Variants in TMEM40 observed in about 807,000 individuals in gnomAD.
TMEM40 encodes the protein transmembrane protein 40.
Under a neutral mutation model 40.8 loss-of-function variants are expected in TMEM40, and 34 were observed. That is an observed-to-expected ratio of 0.83 (90% CI 0.63 to 1.11). The LOEUF (loss-of-function observed/expected upper bound fraction) is 1.11, where lower values mean the gene tolerates loss of function less well. Among genes scored for constraint, TMEM40 ranks in the 50% least tolerant of loss-of-function variants. TMEM40 has a pLI of 0.00. For synonymous variants in TMEM40, 106 were observed against 107.0 expected (o/e 0.99, Z 0.06); for missense variants, 296 against 280.2 (o/e 1.06, Z -0.40).
At chr3:12,742,177 C>T (rs1008651593) in intron 5 of TMEM40, among the ~76,000 whole-genome samples, 4 of 152,146 alleles carry the variant, frequency 2.6e-5, no homozygotes, top group African/African-American at 7.2e-5. Flanking sequence ...TTGCAGTGAG[C>T]CAAGATCACA....
chr3:12,745,147 C>A (rs1158709635), intron 3 of TMEM40, among the ~76,000 whole-genome samples: 3 of 152,042 alleles, frequency 2.0e-5, no homozygotes, highest in South Asian at 2.1e-4. Flanking sequence ...GCAACCTCCA[C>A]CTCCCAGGCA....
intron 4 of TMEM40, 132 bp from the exon 5 acceptor site, chr3:12,742,639 A>C: frequency 2.0e-6 from 2 of 1,018,682 alleles, no homozygotes; most frequent in Non-Finnish European, 1.5e-6. Flanking sequence ...GGCAGTCTTC[A>C]GGAGGCAAGG....
At chr3:12,763,586 C>CG (rs1345399645), upstream of TMEM40, among the ~76,000 whole-genome samples, 1 of 152,174 alleles carries the variant, frequency 6.6e-6, no homozygotes, top group Admixed American at 6.5e-5. Flanking sequence ...GAACTGCAAG[C>CG]GGGGGCCTGC....
chr3:12,757,543 C>A (rs1299030827), intron 1 of TMEM40, among the ~76,000 whole-genome samples: 2 of 151,660 alleles, frequency 1.3e-5, no homozygotes, highest in Admixed American at 1.3e-4. Flanking sequence ...CCATGGGATA[C>A]CCCTTCACAC....
At chr3:12,761,999 T>C, upstream of TMEM40, among the ~76,000 whole-genome samples, 1 of 152,230 alleles carries the variant, frequency 6.6e-6, no homozygotes, top group East Asian at 1.9e-4. Context: ...AGGATCTTGT[T>C]CTCTTGCCCA....
intron 1 of TMEM40, among the ~76,000 whole-genome samples, chr3:12,756,852 A>G (rs1210259452): frequency 6.6e-6 from 1 of 151,498 alleles, no homozygotes; most frequent in East Asian, 1.9e-4. Flanking sequence ...CACCACACAT[A>G]TACACACTCT....
intron 1 of TMEM40, among the ~76,000 whole-genome samples, chr3:12,766,184 T>C (rs2061593254): frequency 6.6e-6 from 1 of 151,872 alleles, no homozygotes; most frequent in Non-Finnish European, 1.5e-5. Flanking sequence ...TATTGCAGAG[T>C]AGCGTGGATG....
Position 12,734,400 on chromosome 3 carries a change from T to A in TMEM40, c.*374A>T. 1 of 218,988 alleles carries A rather than the reference T, an allele frequency of 4.6e-6. No individual in the cohort carries two copies. The highest frequency in any genetic ancestry group is 1.4e-4 in the South Asian group (1 of 7,332). 13.6% of individuals were successfully genotyped at this position (218,988 alleles called of 1,614,324 possible). On this transcript the variant is annotated 3_prime_UTR_variant, in exon 12 of 12. Coordinates refer to ENST00000314124, the MANE Select transcript of TMEM40 (RefSeq NM_018306.4). The stretch of plus-strand genomic sequence containing the variant: ...GGTAGCACCTGAGAGCGCATGCAGA[T>A]AGCCTGGGATTTGAGAAAAACCATG...
intron 6 of TMEM40, 78 bp downstream of exon 6, chr3:12,738,475 T>C (rs2061354925): frequency 6.6e-7 from 1 of 1,507,712 alleles, no homozygotes; most frequent in Non-Finnish European, 9.2e-7. Flanking sequence ...AGGTGCTGGC[T>C]CTCTTGGGGG....
intron 1 of TMEM40, among the ~76,000 whole-genome samples, chr3:12,756,619 G>A (rs919540278): frequency 1.3e-5 from 2 of 152,098 alleles, no homozygotes; most frequent in African/African-American, 2.4e-5. Flanking sequence ...TCCCTGGCTC[G>A]CATCGTCCTA....
chr3:12,752,433 T>G (rs1023881324), intron 1 of TMEM40, among the ~76,000 whole-genome samples: 2 of 152,158 alleles, frequency 1.3e-5, no homozygotes, highest in Non-Finnish European at 2.9e-5. Context: ...ACTAATCTAT[T>G]CCTATGAAGG....
At chr3:12,754,119 T>C (rs1250457656) in intron 1 of TMEM40, among the ~76,000 whole-genome samples, 1 of 152,216 alleles carries the variant, frequency 6.6e-6, no homozygotes, top group Non-Finnish European at 1.5e-5. Context: ...GAGACCATCC[T>C]GGCTAACACG....
chr3:12,737,612 C>T, intron 8 of TMEM40, 95 bp downstream of exon 8: 2 of 1,137,908 alleles, frequency 1.8e-6, no homozygotes, highest in East Asian at 2.3e-5. Context: ...CAGAGGTGGG[C>T]TATGATTACT....
chr3:12,748,805 C>T lies in TMEM40; in HGVS notation c.74-13G>A, dbSNP rs1031318013. The T allele has an allele frequency of 1.2e-6, 2 of 1,613,290 alleles. No individual in the cohort carries two copies. Among genetic ancestry groups the T allele is most frequent in the South Asian group, 1.1e-5 (1 of 91,002 alleles). On this transcript the variant is annotated splice_polypyrimidine_tract_variant and intron_variant, in intron 2 of 11. Transcript: ENST00000314124. ...TCTGTCTCTCCATCTACAAGGCACA[C>T]AGAGGCCAGGGGATGAGCGTTTCCC...
At chr3:12,747,065 T>G (rs1348983821) in intron 3 of TMEM40, among the ~76,000 whole-genome samples, 2 of 152,144 alleles carry the variant, frequency 1.3e-5, no homozygotes, top group African/African-American at 2.4e-5. Context: ...ATGAGGAGAC[T>G]GGCTACAAAC....
At chr3:12,763,149 G>C (rs1214051882), upstream of TMEM40, among the ~76,000 whole-genome samples, 3 of 120,076 alleles carry the variant, frequency 2.5e-5, no homozygotes, top group East Asian at 7.9e-4. Flanking sequence ...GACAGAGTGA[G>C]ACTCTGTCTC....
At chr3:12,757,257 G>A (rs1402313934) in intron 1 of TMEM40, among the ~76,000 whole-genome samples, 1 of 151,996 alleles carries the variant, frequency 6.6e-6, no homozygotes, top group Non-Finnish European at 1.5e-5. Flanking sequence ...ATCACCTGAG[G>A]TCGGGAGTTC....
chr3:12,754,283 G>C (rs954199667), intron 1 of TMEM40, among the ~76,000 whole-genome samples: 10 of 152,138 alleles, frequency 6.6e-5, no homozygotes, highest in Admixed American at 3.3e-4. Context: ...CTGCACTCCA[G>C]CCTGGGCGAC....
At chr3:12,760,570 T>A (rs1303054633), upstream of TMEM40, among the ~76,000 whole-genome samples, 1 of 152,048 alleles carries the variant, frequency 6.6e-6, no homozygotes, top group African/African-American at 2.4e-5. Context: ...ACCTACTCCA[T>A]GAAGCCTTAT....
Sources: gnomAD v4.1 joint callset for allele counts (sites outside exome capture counted in the v4.1 genomes callset) on GRCh38, gnomAD v4.1.1 for gene constraint, MANE v1.5 for transcripts, NCBI Gene and HGNC (gene_info 2026-07-23, HGNC 2026-07-21) for gene names.